BMP7: variants seen among roughly 807,000 people sequenced by gnomAD.
The protein encoded by BMP7 is osteogenic protein 1.
BMP7 carries 12 observed loss-of-function variants against 41.2 expected under a neutral mutation model. That is an observed-to-expected ratio of 0.29 (90% CI 0.19 to 0.47). BMP7 has a LOEUF of 0.47. Among genes scored for constraint, BMP7 ranks in the 20% least tolerant of loss-of-function variants. The probability of loss-of-function intolerance (pLI) is 0.99; values close to 1 mark genes in which losing one functional copy is unlikely to be tolerated. For missense variants in BMP7, 467 were observed against 606.0 expected, an observed-to-expected ratio of 0.77 and a Z score of 2.41; for synonymous variants, 248 against 250.0, an observed-to-expected ratio of 0.99 and a Z score of 0.07.
At chr20:57,265,625 C>T (rs958446535) in intron 1 of BMP7, 80 bp downstream of exon 1, 19 of 1,536,998 alleles carry the variant, frequency 1.2e-5, no homozygotes, top group Non-Finnish European at 1.7e-5. Context: ...GGGCGGGCTG[C>T]ATAGAAGAAG....
intron 2 of BMP7, among the ~76,000 whole-genome samples, chr20:57,216,260 G>A (rs998084803): frequency 4.6e-5 from 7 of 152,196 alleles, no homozygotes; most frequent in Non-Finnish European, 1.0e-4. Context: ...GCTGCCCTGT[G>A]TGGTTGACAC....
At chr20:57,187,960 A>C (rs1432096550) in intron 3 of BMP7, among the ~76,000 whole-genome samples, 1 of 152,226 alleles carries the variant, frequency 6.6e-6, no homozygotes, top group African/African-American at 2.4e-5. Flanking sequence ...TTTTTAACCT[A>C]AAGGCTGAAC....
At chr20:57,225,331 G>A (rs1985286120) in intron 2 of BMP7, among the ~76,000 whole-genome samples, 1 of 152,152 alleles carries the variant, frequency 6.6e-6, no homozygotes, top group Non-Finnish European at 1.5e-5. Flanking sequence ...GGACCTACAT[G>A]GGAAGGCAGT....
chr20:57,230,629 G>C (rs867799415), intron 1 of BMP7, among the ~76,000 whole-genome samples: 1 of 150,530 alleles, frequency 6.6e-6, no homozygotes, highest in Non-Finnish European at 1.5e-5. Flanking sequence ...CTGTGGCTGC[G>C]TGAACAGCTG....
intron 2 of BMP7, among the ~76,000 whole-genome samples, chr20:57,203,913 C>T (rs4811822): frequency 0.44 from 67,031 of 152,132 alleles, 15,831 homozygotes; most frequent in South Asian, 0.56. Flanking sequence ...TTACCATATG[C>T]CAGGCTCCAG....
In BMP7 at chr20:57,173,277, A is replaced by C; in HGVS notation, c.1069T>G (p.Tyr357Asp). The C allele has an allele frequency of 1.9e-6, 3 of 1,614,200 alleles. No homozygotes were observed. The highest frequency in any genetic ancestry group is 2.5e-6 in the Non-Finnish European group (3 of 1,180,038). ...AAGGCACACTCCCCCTCACAGTAGTAGGCGGCGTAGCCTTCAGGCGCGATG... is the reference window on the plus strand; with the variant it reads ...AAGGCACACTCCCCCTCACAGTAGTCGGCGGCGTAGCCTTCAGGCGCGATG... ...WIIAPEGYAA[Y>D]YCEGECAFPL... is the part of the protein sequence containing the mutation. Residue 357 changes from tyrosine (Y) to aspartate (D), a missense_variant, in exon 6 of 7, where the codon TAC (tyrosine) becomes GAC (aspartate). This residue lies in a region of BMP7 where 60 missense variants were observed against 120.1 expected (regional missense o/e 0.50). Coordinates refer to ENST00000395863, the MANE Select transcript of BMP7 (RefSeq NM_001719.3).
intron 1 of BMP7, among the ~76,000 whole-genome samples, chr20:57,246,442 G>T (rs1461135640): frequency 6.6e-6 from 1 of 152,178 alleles, no homozygotes; most frequent in Non-Finnish European, 1.5e-5. Flanking sequence ...GCCCTCATGT[G>T]AGACTCTCCA....
At position 57,264,254 on chromosome 20, in the gene BMP7, C is replaced by T. The variant is rs571233982; in HGVS notation, c.418+1451G>A. ...AGGCGGATCTGCGCTTCCCCCGCGC[C>T]CCCAGTCCACGCCCCAGGTGCCCAG... On this transcript the variant is annotated intron_variant, in intron 1 of 6. Transcript: ENST00000395863. 1.7e-4 allele frequency among the ~76,000 whole-genome samples: 26 copies of T among 152,286 alleles called. No homozygotes were observed. In the South Asian group the frequency reaches 5.4e-3, roughly 32 times the overall value.
intron 2 of BMP7, among the ~76,000 whole-genome samples, chr20:57,206,279 C>T (rs1984729148): frequency 6.6e-6 from 1 of 152,192 alleles, no homozygotes; most frequent in African/African-American, 2.4e-5. Context: ...ACCTTCGCCA[C>T]TGCTGAGAAT....
chr20:57,195,098 C>T (rs1043214088), intron 3 of BMP7, among the ~76,000 whole-genome samples: 1 of 152,204 alleles, frequency 6.6e-6, no homozygotes, highest in African/African-American at 2.4e-5. Flanking sequence ...GCTGGCAAAC[C>T]CCAGACGACT....
At chr20:57,209,049 T>A (rs974776152) in intron 2 of BMP7, among the ~76,000 whole-genome samples, 2 of 151,222 alleles carry the variant, frequency 1.3e-5, no homozygotes, top group African/African-American at 4.9e-5. Context: ...CCAGGCACGG[T>A]GGCTCACGCC....
chr20:57,209,994 T>C (rs761199154), intron 2 of BMP7, among the ~76,000 whole-genome samples: 1 of 152,194 alleles, frequency 6.6e-6, no homozygotes, highest in Non-Finnish European at 1.5e-5. Flanking sequence ...TCCACTCCTC[T>C]AATCTCAGAG....
At chr20:57,199,619 C>G (rs1419105826) in intron 3 of BMP7, among the ~76,000 whole-genome samples, 1 of 152,200 alleles carries the variant, frequency 6.6e-6, no homozygotes, top group Non-Finnish European at 1.5e-5. Context: ...CTGAAGGACG[C>G]CAGGCTTGAG....
At chr20:57,212,573 G>C (rs1419351888) in intron 2 of BMP7, among the ~76,000 whole-genome samples, 1 of 152,244 alleles carries the variant, frequency 6.6e-6, no homozygotes, top group Non-Finnish European at 1.5e-5. Flanking sequence ...AACGGTTGCT[G>C]GGCCGCAAGG....
chr20:57,246,110 T>C (rs1056226238), intron 1 of BMP7, among the ~76,000 whole-genome samples: 3 of 152,228 alleles, frequency 2.0e-5, no homozygotes, highest in African/African-American at 7.2e-5. Flanking sequence ...CCCTGTGTGA[T>C]TGCCTTGTAA....
At chr20:57,192,172 T>G (rs1984378467) in intron 3 of BMP7, among the ~76,000 whole-genome samples, 1 of 126,910 alleles carries the variant, frequency 7.9e-6, no homozygotes, top group South Asian at 2.3e-4. Context: ...AGATATATAA[T>G]ATATACTATA....
intron 3 of BMP7, among the ~76,000 whole-genome samples, chr20:57,197,906 G>T (rs1984532587): frequency 6.6e-6 from 1 of 152,204 alleles, no homozygotes; most frequent in Non-Finnish European, 1.5e-5. Context: ...TGAGTGTGCA[G>T]GGGTTGCTAG....
Position 57,170,756 on chromosome 20 carries a change from A to T in BMP7, c.*203T>A, listed in dbSNP as rs949240010. ...AGGTTTTGCCTGCACAGCTTGTAGGATCTTGTTCATTGGATGCTGCCACTG... is the reference window on the plus strand; with the variant it reads ...AGGTTTTGCCTGCACAGCTTGTAGGTTCTTGTTCATTGGATGCTGCCACTG... On this transcript the variant is annotated 3_prime_UTR_variant, in exon 7 of 7. Coordinates refer to ENST00000395863, the MANE Select transcript of BMP7 (RefSeq NM_001719.3). 1 of 670,762 alleles carries T rather than the reference A, an allele frequency of 1.5e-6. No homozygotes were observed. Among genetic ancestry groups the T allele is most frequent in the Non-Finnish European group, 2.5e-6 (1 of 396,134 alleles). The allele number at this position is 670,762 out of a possible 1,614,324, so 41.6% of individuals were successfully genotyped here.
At chr20:57,248,354 A>G (rs1466319039) in intron 1 of BMP7, among the ~76,000 whole-genome samples, 1 of 152,194 alleles carries the variant, frequency 6.6e-6, no homozygotes, top group East Asian at 1.9e-4. Context: ...TGCTGGCCAG[A>G]TGCCAGCTGC....
Sources: gnomAD v4.1 joint callset for allele counts (sites outside exome capture counted in the v4.1 genomes callset) on GRCh38, gnomAD v4.1.1 for gene constraint, gnomAD v4.1.1 regional missense constraint, MANE v1.5 for transcripts, NCBI Gene and HGNC (gene_info 2026-07-23, HGNC 2026-07-21) for gene names.